ZNF124: variants seen among roughly 807,000 people sequenced by gnomAD.
ZNF124 encodes the protein zinc finger protein HZF-16.
In ZNF124, 25 loss-of-function variants were observed where a neutral mutation model predicts 26.6. The observed-to-expected ratio is 0.94, with a 90% confidence interval of 0.68 to 1.31. The LOEUF (loss-of-function observed/expected upper bound fraction) is 1.31, where lower values mean the gene tolerates loss of function less well. Among genes scored for constraint, ZNF124 ranks in the 40% most tolerant of loss-of-function variants. ZNF124 has a pLI of 0.00. For synonymous variants in ZNF124, 129 were observed against 133.3 expected (o/e 0.97, Z 0.22); for missense variants, 444 against 422.2 (o/e 1.05, Z -0.45).
At chr1:247,159,585 T>A (rs1252436203) in intron 2 of ZNF124, 102 bp downstream of exon 2, 24 of 1,292,898 alleles carry the variant, frequency 1.9e-5, no homozygotes, top group Non-Finnish European at 2.6e-5. Flanking sequence ...CATTCACTCA[T>A]CAAAGTGTTC....
At chr1:247,159,976 G>GTTTTTTTTTTTTTTTTTTTTTTTT (rs779659255) in intron 1 of ZNF124, 163 bp from the exon 2 acceptor site, 3 of 246,280 alleles carry the variant, frequency 1.2e-5, no homozygotes, top group African/African-American at 5.8e-5. Flanking sequence ...CCACATAGCA[G>GTTTTTTTTTTTTTTTTTTTTTTTT]TTCTTTTTTT....
rs554469396 is a variant in ZNF124 at position 247,157,250 on chromosome 1, A to G, written c.372T>C (p.Cys124=). The part of the protein sequence containing the change: ...VMHTGNGHYG[C]TICEKVFNIP... Reference sequence around the variant, plus strand: ...TATTAAAAACTTTCTCACATATTGTACAACCATAATGTCCATTTCCAGTGT... The same window carrying G: ...TATTAAAAACTTTCTCACATATTGTGCAACCATAATGTCCATTTCCAGTGT... Residue 124 remains cysteine (C), a synonymous_variant, in exon 4 of 4, where the codon TGT becomes TGC. Coordinates refer to ENST00000543802, the MANE Select transcript of ZNF124 (RefSeq NM_001297568.2). 1.2e-6 allele frequency: 2 copies of G among 1,613,952 alleles called. No homozygotes were observed. The highest frequency in any genetic ancestry group is 1.3e-5 in the African/African-American group (1 of 75,074).
intron 3 of ZNF124, among the ~76,000 whole-genome samples, chr1:247,146,247 A>AT (rs1388426889): frequency 1.3e-5 from 2 of 152,244 alleles, no homozygotes; most frequent in Non-Finnish European, 2.9e-5. Context: ...GCTTTGCTTC[A>AT]TATAGTGCAG....
chr1:247,169,029 T>C (rs1332113178), intron 1 of ZNF124, among the ~76,000 whole-genome samples: 1 of 151,678 alleles, frequency 6.6e-6, no homozygotes, highest in Non-Finnish European at 1.5e-5. Context: ...AAACTAAATA[T>C]ATATATAAAG....
At chr1:247,170,729 G>A (rs543633533) in intron 1 of ZNF124, among the ~76,000 whole-genome samples, 7 of 142,976 alleles carry the variant, frequency 4.9e-5, no homozygotes, top group African/African-American at 1.4e-4. Context: ...GACCAAGCAG[G>A]GGGTACATAA....
intron 3 of ZNF124, among the ~76,000 whole-genome samples, chr1:247,143,615 T>C (rs10493861): frequency 0.35 from 52,748 of 152,104 alleles, 10,825 homozygotes; most frequent in African/African-American, 0.56. Flanking sequence ...ATGTTCTAAT[T>C]ACTCCTGAGA....
intron 3 of ZNF124, among the ~76,000 whole-genome samples, chr1:247,140,475 C>T (rs780830499): frequency 1.3e-5 from 2 of 152,162 alleles, no homozygotes; most frequent in Non-Finnish European, 2.9e-5. Flanking sequence ...TCATTCCAGC[C>T]AGCTCAGCCT....
chr1:247,170,215 TTC>T (rs1356152758), intron 1 of ZNF124, among the ~76,000 whole-genome samples: 2 of 145,766 alleles, frequency 1.4e-5, no homozygotes, highest in East Asian at 2.0e-4. Flanking sequence ...CAGGTGATTA[TTC>T]TCTGTTTTCA....
At chr1:247,125,764 T>C (rs79566962) in intron 3 of ZNF124, among the ~76,000 whole-genome samples, 6,497 of 152,274 alleles carry the variant, frequency 0.043, 139 homozygotes, top group Middle Eastern at 0.055. Context: ...TGGTATCTCA[T>C]TGAGTTTTTG....
intron 3 of ZNF124, among the ~76,000 whole-genome samples, chr1:247,141,725 G>A (rs1170174772): frequency 6.6e-6 from 1 of 152,134 alleles, no homozygotes; most frequent in African/African-American, 2.4e-5. Flanking sequence ...CAGCAAAACT[G>A]AGAAGACCTG....
chr1:247,149,070 G>C (rs1672859952), intron 3 of ZNF124, among the ~76,000 whole-genome samples: 1 of 152,050 alleles, frequency 6.6e-6, no homozygotes. Flanking sequence ...TTATTAAATT[G>C]TCCAGGTATT....
downstream of ZNF124, among the ~76,000 whole-genome samples, chr1:247,150,102 T>C (rs1672888139): frequency 6.6e-6 from 1 of 152,182 alleles, no homozygotes; most frequent in Non-Finnish European, 1.5e-5. Flanking sequence ...GTTTTGGAGT[T>C]TAAAGTTTCA....
intron 3 of ZNF124, among the ~76,000 whole-genome samples, chr1:247,124,235 G>A (rs976157723): frequency 3.3e-5 from 5 of 149,528 alleles, no homozygotes; most frequent in Non-Finnish European, 5.9e-5. Flanking sequence ...ACAGAGTCTC[G>A]CTCTGTCGCC....
chr1:247,159,545 C>T (rs1055076671), intron 2 of ZNF124, 142 bp downstream of exon 2: 1 of 764,504 alleles, frequency 1.3e-6, no homozygotes, highest in African/African-American at 1.8e-5. Context: ...GACTAAGAAA[C>T]AAGAGTCATT....
intron 3 of ZNF124, among the ~76,000 whole-genome samples, chr1:247,142,035 CACCCTGACTTGTGCCAGGGTCCA>C (rs1672641758): frequency 6.6e-6 from 1 of 152,198 alleles, no homozygotes; most frequent in Non-Finnish European, 1.5e-5. Flanking sequence ...GAATCTCAGC[CACCCTGACTTGTGCCAGGGTCCA>C]GCCCTGGCTG....
chr1:247,162,170 A>G (rs570206410), intron 1 of ZNF124, among the ~76,000 whole-genome samples: 5 of 152,338 alleles, frequency 3.3e-5, no homozygotes, highest in African/African-American at 4.8e-5. Context: ...ACGTAAGTAC[A>G]TAGACCAGTG....
At chr1:247,151,520 AC>A (rs1672944899), downstream of ZNF124, among the ~76,000 whole-genome samples, 1 of 151,760 alleles carries the variant, frequency 6.6e-6, no homozygotes. Flanking sequence ...GGATGTGGGT[AC>A]CCTAGGAAAT....
In ZNF124 at chr1:247,141,775, G is replaced by A. The variant is rs557656302; in HGVS notation, c.218+17231C>T. 2.0e-5 allele frequency among the ~76,000 whole-genome samples: 3 copies of A among 152,324 alleles called. No homozygotes were observed. In the East Asian group the frequency reaches 5.8e-4, roughly 29 times the overall value. ...GTGGATCCCCAAGGGTCCGCACTGG[G>A]TGCAGCAAGCAGCCCATATCTCAGT... On this transcript the variant is annotated intron_variant, in intron 3 of 3. Coordinates refer to the ZNF124 transcript ENST00000472531.
intron 2 of ZNF124, 73 bp downstream of exon 2, chr1:247,159,614 C>G: frequency 1.3e-6 from 2 of 1,514,098 alleles, no homozygotes; most frequent in Admixed American, 1.9e-5. Flanking sequence ...CATTCCAAAT[C>G]ATGGAATGAC....
Sources: gnomAD v4.1 joint callset for allele counts (sites outside exome capture counted in the v4.1 genomes callset) on GRCh38, gnomAD v4.1.1 for gene constraint, MANE v1.5 for transcripts, NCBI Gene and HGNC (gene_info 2026-07-23, HGNC 2026-07-21) for gene names.